The following NFATC1 variants were observed in gnomAD, a reference collection of about 807,000 sequenced individuals.
The protein encoded by NFATC1 is nuclear factor of activated T cells 1.
A neutral mutation model predicts 76.0 loss-of-function variants in NFATC1; 22 were observed. That is an observed-to-expected ratio of 0.29 (90% CI 0.21 to 0.41). NFATC1 has a LOEUF of 0.41. Among genes scored for constraint, NFATC1 ranks in the 10% least tolerant of loss-of-function variants. The pLI is 1.00. For synonymous variants in NFATC1, 704 were observed against 613.1 expected, an observed-to-expected ratio of 1.15 and a Z score of -2.19; for missense variants, 1,357 against 1,337.7, an observed-to-expected ratio of 1.01 and a Z score of -0.23.
In NFATC1 at chr18:79,526,214, A is replaced by G. The variant is rs1189778903; in HGVS notation, c.2783-1314A>G. On this transcript the variant is annotated intron_variant, in intron 9 of 9. Transcript: ENST00000427363. ...GCCAGTCCGGGAGCAGCCTGCGAGC[A>G]CCTGGGCCCTGTCGTTATCCTCCTT... Among the ~76,000 whole-genome samples, 5 of 152,228 alleles carry G rather than the reference A, an allele frequency of 3.3e-5. No individual in the cohort carries two copies. In the East Asian group the frequency reaches 7.7e-4, roughly 23 times the overall value.
chr18:79,400,180 G>C, intron 1 of NFATC1: 2 of 1,134,836 alleles, frequency 1.8e-6, no homozygotes, highest in Non-Finnish European at 2.2e-6. Flanking sequence ...TTAAAAACTC[G>C]TGTCCGGGGA....
intron 3 of NFATC1, among the ~76,000 whole-genome samples, chr18:79,437,906 C>T (rs539041362): frequency 1.3e-5 from 2 of 152,362 alleles, no homozygotes; most frequent in South Asian, 2.1e-4. Flanking sequence ...AGGCAGCCGG[C>T]ATCAGGATGG....
At chr18:79,400,880 CT>C (rs2085211517) in intron 1 of NFATC1, among the ~76,000 whole-genome samples, 1 of 1,328 alleles carries the variant, frequency 7.5e-4, no homozygotes, top group Non-Finnish European at 1.3e-3. Context: ...ATCCTCCTCC[CT>C]CCCCCCAGCC....
chr18:79,486,975 G>A (rs763721190), intron 9 of NFATC1, 38 bp downstream of exon 9: 1 of 1,551,040 alleles, frequency 6.4e-7, no homozygotes, highest in South Asian at 1.2e-5. Flanking sequence ...TGCCCCGCCT[G>A]GCGCCATGGC....
At chr18:79,464,301 T>G (rs966327042) in intron 7 of NFATC1, among the ~76,000 whole-genome samples, 3 of 152,066 alleles carry the variant, frequency 2.0e-5, no homozygotes, top group Non-Finnish European at 4.4e-5. Context: ...CACCATGTTG[T>G]CCAGGCTGGT....
Position 79,439,976 on chromosome 18 carries a change from G to A in NFATC1, c.1386+6238G>A, listed in dbSNP as rs115464000. ...GAATTTTGTGGAGATTTACTGGCAC[G>A]GGGAAGGCGTGTGGCCTCTGGCAGG... On this transcript the variant is annotated intron_variant, in intron 3 of 9. Coordinates refer to ENST00000427363, the MANE Select transcript of NFATC1 (RefSeq NM_001278669.2). Among the ~76,000 whole-genome samples, 566 of 152,278 alleles carry A rather than the reference G, an allele frequency of 3.7e-3. 3 individuals carry two copies. The highest frequency in any genetic ancestry group is 0.013 in the African/African-American group (543 of 41,534).
intron 1 of NFATC1, among the ~76,000 whole-genome samples, chr18:79,401,905 G>T (rs750383022): frequency 6.6e-6 from 1 of 152,236 alleles, no homozygotes; most frequent in Non-Finnish European, 1.5e-5. Context: ...CAGGGGGCCT[G>T]CAGGACAGTG....
At chr18:79,463,967 G>A (rs1054298096) in intron 7 of NFATC1, among the ~76,000 whole-genome samples, 1 of 152,216 alleles carries the variant, frequency 6.6e-6, no homozygotes, top group Non-Finnish European at 1.5e-5. Flanking sequence ...CACATTCTCT[G>A]TGATTTTCTG....
At chr18:79,495,025 T>C (rs1199258280) in intron 9 of NFATC1, among the ~76,000 whole-genome samples, 2 of 152,226 alleles carry the variant, frequency 1.3e-5, no homozygotes, top group Non-Finnish European at 2.9e-5. Flanking sequence ...AGCCCATGGC[T>C]GGAGAACCCT....
chr18:79,450,961 T>C lies in NFATC1; in HGVS notation c.1597T>C (p.Cys533Arg). The change falls in exon 5 of 10, where the codon TGT becomes CGT. Residue 533 changes from cysteine to arginine, a missense_variant. Cys to Arg is a radical substitution (Grantham distance 180, BLOSUM62 -3). This residue lies in a region of NFATC1 where 242 missense variants were observed against 329.2 expected (regional missense o/e 0.74). Transcript: ENST00000427363. ...PENSMRAVID[C>R]AGILKLRNSD... ...GGCTTTTGTTTTGGGCAGCATTGAC[T>C]GTGCCGGAATCCTGAAACTCAGAAA... 6.2e-7 allele frequency: 1 copy of C among 1,613,398 alleles called. No individual in the cohort carries two copies. Among genetic ancestry groups the C allele is most frequent in the Non-Finnish European group, 8.5e-7 (1 of 1,179,736 alleles).
intron 9 of NFATC1, among the ~76,000 whole-genome samples, chr18:79,510,816 C>T (rs1420836714): frequency 7.6e-5 from 1 of 13,132 alleles, no homozygotes; most frequent in East Asian, 6.2e-4. Context: ...CACGGGGCTC[C>T]TCTGCCGGGG....
At chr18:79,511,053 C>G (rs1264378889) in intron 9 of NFATC1, among the ~76,000 whole-genome samples, 1 of 152,210 alleles carries the variant, frequency 6.6e-6, no homozygotes, top group Non-Finnish European at 1.5e-5. Context: ...TGTCAGGGTG[C>G]CCTGGGCCAG....
At chr18:79,482,643 T>C (rs1456901114) in intron 8 of NFATC1, among the ~76,000 whole-genome samples, 2 of 137,624 alleles carry the variant, frequency 1.5e-5, no homozygotes, top group African/African-American at 2.7e-5. Flanking sequence ...CGTGACCTCG[T>C]TCCTGGGGTG....
intron 1 of NFATC1, among the ~76,000 whole-genome samples, chr18:79,406,749 C>A (rs532964429): frequency 6.6e-6 from 1 of 152,116 alleles, no homozygotes; most frequent in African/African-American, 2.4e-5. Context: ...CGCAGGCCTG[C>A]GCTCGACAAA....
At position 79,410,875 on chromosome 18, in the gene NFATC1, C is replaced by G. The variant is rs1407456187; in HGVS notation, c.600C>G (p.Pro200=). ...ESNYSYPYAS[P]QTSPWQSPCV... The stretch of plus-strand genomic sequence containing the variant: ...ACTACTCGTACCCGTACGCGTCCCC[C>G]CAGACGTCGCCATGGCAGTCTCCCT... The change falls in exon 2 of 10, where the codon CCC becomes CCG. Residue 200 remains proline, a synonymous_variant. Coordinates refer to ENST00000427363, the MANE Select transcript of NFATC1 (RefSeq NM_001278669.2). This position sits in a 1 kb window ranked among gnomAD's most constrained non-coding sequence, Gnocchi z 6.7. 2 of 1,609,316 alleles carry G rather than the reference C, an allele frequency of 1.2e-6. No homozygotes were observed. The highest frequency in any genetic ancestry group is 1.7e-6 in the Non-Finnish European group (2 of 1,178,710).
intron 9 of NFATC1, among the ~76,000 whole-genome samples, chr18:79,491,884 C>G (rs1287969160): frequency 6.6e-6 from 1 of 152,136 alleles, no homozygotes; most frequent in South Asian, 2.1e-4. Context: ...TCCGCCTGAC[C>G]AGAATCAGAG....
At chr18:79,463,803 G>C (rs1353186993) in intron 7 of NFATC1, among the ~76,000 whole-genome samples, 1 of 152,184 alleles carries the variant, frequency 6.6e-6, no homozygotes, top group South Asian at 2.1e-4. Flanking sequence ...CACAGGCTTC[G>C]CCAGCCCCGC....
chr18:79,456,928 T>C (rs1325214440), intron 6 of NFATC1, among the ~76,000 whole-genome samples: 1 of 152,190 alleles, frequency 6.6e-6, no homozygotes. Context: ...AGCTGTCACC[T>C]CCTGAAGATG....
intron 1 of NFATC1, among the ~76,000 whole-genome samples, chr18:79,406,272 G>A (rs1321601292): frequency 1.3e-5 from 2 of 152,256 alleles, no homozygotes; most frequent in Non-Finnish European, 2.9e-5. Flanking sequence ...TTGGGAAACA[G>A]GAAGTGTAGG....
Sources: gnomAD v4.1 joint callset for allele counts (sites outside exome capture counted in the v4.1 genomes callset) on GRCh38, gnomAD v4.1.1 for gene constraint, gnomAD v4.1.1 regional missense constraint, Gnocchi (gnomAD v3.1) non-coding constraint, MANE v1.5 for transcripts, NCBI Gene and HGNC (gene_info 2026-07-23, HGNC 2026-07-21) for gene names.